The following PRG2 variants were observed in gnomAD, a reference collection of about 807,000 sequenced individuals.
PRG2 encodes bone marrow proteoglycan.
In PRG2, 23 loss-of-function variants were observed where a neutral mutation model predicts 24.7. That is an observed-to-expected ratio of 0.93 (90% CI 0.67 to 1.32). The LOEUF is 1.32. Among genes scored for constraint, PRG2 ranks in the 40% most tolerant of loss-of-function variants. The probability of loss-of-function intolerance (pLI) is 0.00; values close to 1 mark genes in which losing one functional copy is unlikely to be tolerated. For missense variants in PRG2, 271 were observed against 280.9 expected, an observed-to-expected ratio of 0.96 and a Z score of 0.25; for synonymous variants, 104 against 99.8, an observed-to-expected ratio of 1.04 and a Z score of -0.25.
chr11:57,387,384 A>G lies in PRG2; in HGVS notation c.*91T>C, dbSNP rs937237169. 2.7e-6 allele frequency: 3 copies of G among 1,127,124 alleles called. No individual in the cohort carries two copies. Among genetic ancestry groups the G allele is most frequent in the African/African-American group, 1.6e-5 (1 of 64,166 alleles). The allele number at this position is 1,127,124 out of a possible 1,614,324, so 69.8% of individuals were successfully genotyped here. On this transcript the variant is annotated 3_prime_UTR_variant, in exon 6 of 6. Transcript: ENST00000311862. ...AATCCATTTCAGTAAAACCCATTTT[A>G]TTGCAGGGAGGTGGAGGGAGGGATG...
At chr11:57,387,959 C>G (rs1446758954) in intron 4 of PRG2, 94 bp from the exon 5 acceptor site, 1 of 881,442 alleles carries the variant, frequency 1.1e-6, no homozygotes, top group Non-Finnish European at 1.7e-6. Context: ...TGCTGCCCAC[C>G]GGGCAATGGG....
In PRG2 at chr11:57,389,898, G is replaced by A. The variant is rs1357532437; in HGVS notation, c.47C>T (p.Ala16Val). 2 of 1,611,396 alleles carry A rather than the reference G, an allele frequency of 1.2e-6. No homozygotes were observed. Among genetic ancestry groups the A allele is most frequent in the Non-Finnish European group, 8.5e-7 (1 of 1,178,422 alleles). The change falls in exon 2 of 6, where the codon GCT (alanine) becomes GTT (valine). Residue 16 changes from alanine (A) to valine (V), a missense_variant. Coordinates refer to ENST00000311862, the MANE Select transcript of PRG2 (RefSeq NM_002728.6). ...CAAAAAACACTTACTTAGATGAAGA[G>A]CAGAAACTGCCCCAAATAGAAGAGC... ...LLALLFGAVS[A>V]LHLRSETSTF...
chr11:57,390,198 T>G (rs748744550), intron 1 of PRG2, among the ~76,000 whole-genome samples: 2 of 152,162 alleles, frequency 1.3e-5, no homozygotes, highest in Non-Finnish European at 2.9e-5. Context: ...TGGCTTTCCT[T>G]CAGGCCCGGA....
chr11:57,387,645 G>C, intron 5 of PRG2, 109 bp downstream of exon 5: 3 of 1,373,062 alleles, frequency 2.2e-6, no homozygotes, highest in Non-Finnish European at 3.0e-6. Context: ...GTATATAAAA[G>C]ACCCAGGAAG....
chr11:57,386,848 A>T lies in PRG2; in HGVS notation c.*627T>A, dbSNP rs1857052748. On this transcript the variant is annotated 3_prime_UTR_variant, in exon 6 of 6. Transcript: ENST00000311862. ...AGCAGAGAATGCAGTTGAGGAAGGG[A>T]AGGCAGCCCATAAAAATGCATGGAA... is the stretch of plus-strand genomic sequence containing the variant. 1 of 152,238 alleles carries T rather than the reference A, an allele frequency of 6.6e-6. No individual in the cohort carries two copies. The highest frequency in any genetic ancestry group is 6.5e-5 in the Admixed American group (1 of 15,278). 9.4% of individuals were successfully genotyped at this position (152,238 alleles called of 1,614,324 possible). A position where few individuals can be genotyped will look rare whatever the true frequency, so the allele number is the denominator to read the frequency against.
At position 57,390,635 on chromosome 11, in the gene PRG2, G is replaced by T; in HGVS notation, c.-52C>A. 1.0e-6 allele frequency: 1 copy of T among 985,482 alleles called. No homozygotes were observed. The highest frequency in any genetic ancestry group is 1.2e-6 in the Non-Finnish European group (1 of 829,962). 61.0% of individuals were successfully genotyped at this position (985,482 alleles called of 1,614,324 possible). A position where few individuals can be genotyped will look rare whatever the true frequency, so the allele number is the denominator to read the frequency against. On this transcript the variant is annotated 5_prime_UTR_variant, in exon 1 of 6. Transcript: ENST00000311862. Reference sequence around the variant, plus strand: ...TCCTGGGTCTTTAGATCTTCCCAAAGCCCAGGTCCTTCTTTGCTTCCTCTC... The same window carrying T: ...TCCTGGGTCTTTAGATCTTCCCAAATCCCAGGTCCTTCTTTGCTTCCTCTC...
chr11:57,390,637 C>T lies in PRG2; in HGVS notation c.-54G>A, dbSNP rs1436519109. Reference sequence around the variant, plus strand: ...CTGGGTCTTTAGATCTTCCCAAAGCCCAGGTCCTTCTTTGCTTCCTCTCAC... The same window carrying T: ...CTGGGTCTTTAGATCTTCCCAAAGCTCAGGTCCTTCTTTGCTTCCTCTCAC... On this transcript the variant is annotated 5_prime_UTR_variant, in exon 1 of 6. Coordinates refer to ENST00000311862, the MANE Select transcript of PRG2 (RefSeq NM_002728.6). 1.0e-6 allele frequency: 1 copy of T among 985,354 alleles called. No individual in the cohort carries two copies. The highest frequency in any genetic ancestry group is 1.2e-6 in the Non-Finnish European group (1 of 829,974). 61.0% of individuals were successfully genotyped at this position (985,354 alleles called of 1,614,324 possible). A position where few individuals can be genotyped will look rare whatever the true frequency, so the allele number is the denominator to read the frequency against.
In PRG2 at chr11:57,387,535, T is replaced by C. The variant is rs1163012262; in HGVS notation, c.611-2A>G. ...AGTGGGCTCGACGCCAGTGGCCTCC[T>C]GTGAAGGCAGAACAGAAAGGGACTT... is the stretch of plus-strand genomic sequence containing the variant. On this transcript the variant is annotated splice_acceptor_variant, in intron 5 of 5. Coordinates refer to ENST00000311862, the MANE Select transcript of PRG2 (RefSeq NM_002728.6). LOFTEE classifies it high-confidence loss of function. 1 of 1,613,094 alleles carries C rather than the reference T, an allele frequency of 6.2e-7. No individual in the cohort carries two copies. Among genetic ancestry groups the C allele is most frequent in the South Asian group, 1.1e-5 (1 of 91,050 alleles).
At position 57,386,983 on chromosome 11, in the gene PRG2, T is replaced by C. The variant is rs1857055770; in HGVS notation, c.*492A>G. On this transcript the variant is annotated 3_prime_UTR_variant, in exon 6 of 6. Transcript: ENST00000311862. The stretch of plus-strand genomic sequence containing the variant: ...GTACTTATACATTCATTCCTGAATG[T>C]TGTGGACTGTTCCCAGGGACATGTT... The C allele has an allele frequency of 6.6e-6, 1 of 152,612 alleles. No homozygotes were observed. Among genetic ancestry groups the C allele is most frequent in the Non-Finnish European group, 1.5e-5 (1 of 68,382 alleles). 9.5% of individuals were successfully genotyped at this position (152,612 alleles called of 1,614,324 possible).
intron 1 of PRG2, 61 bp from the exon 2 acceptor site, chr11:57,390,017 A>G (rs1857128127): frequency 7.2e-7 from 1 of 1,379,786 alleles, no homozygotes; most frequent in African/African-American, 1.4e-5. Context: ...ACACATCACA[A>G]TCACACCATT....
intron 1 of PRG2, 94 bp downstream of exon 1, chr11:57,390,502 G>T (rs983631162): frequency 4.8e-6 from 4 of 824,862 alleles, no homozygotes; most frequent in African/African-American, 3.7e-5. Flanking sequence ...ACAGGTAGAC[G>T]CCTGCCAGCC....
chr11:57,387,738 C>T lies in PRG2; in HGVS notation c.610+16G>A, dbSNP rs755904744. 4.5e-6 allele frequency: 7 copies of T among 1,544,748 alleles called. No individual in the cohort carries two copies. The South Asian group carries it at 8.6e-5, about 19-fold the overall frequency. On this transcript the variant is annotated intron_variant, in intron 5 of 5. Coordinates refer to ENST00000311862, the MANE Select transcript of PRG2 (RefSeq NM_002728.6). Reference sequence around the variant, plus strand: ...CTCCCAGACCTTTCCATCGTTCATCCCCAGCCCCACCTCACCTCGGGTACA... The same window carrying T: ...CTCCCAGACCTTTCCATCGTTCATCTCCAGCCCCACCTCACCTCGGGTACA...
chr11:57,389,534 G>A (rs924857372), intron 2 of PRG2, among the ~76,000 whole-genome samples: 5 of 152,178 alleles, frequency 3.3e-5, no homozygotes, highest in Non-Finnish European at 7.3e-5. Flanking sequence ...ATGGGCTTGG[G>A]TACTGGTTCC....
intron 4 of PRG2, 143 bp downstream of exon 4, chr11:57,388,434 C>T: frequency 7.8e-7 from 1 of 1,274,700 alleles, no homozygotes; most frequent in Non-Finnish European, 1.1e-6. Context: ...GCCCAGGCAG[C>T]CCCCTCAGTG....
chr11:57,387,380 T>G lies in PRG2; in HGVS notation c.*95A>C. Reference sequence around the variant, plus strand: ...AATAAATCCATTTCAGTAAAACCCATTTTATTGCAGGGAGGTGGAGGGAGG... The same window carrying G: ...AATAAATCCATTTCAGTAAAACCCAGTTTATTGCAGGGAGGTGGAGGGAGG... On this transcript the variant is annotated 3_prime_UTR_variant, in exon 6 of 6. Coordinates refer to ENST00000311862, the MANE Select transcript of PRG2 (RefSeq NM_002728.6). 2 of 1,101,694 alleles carry G rather than the reference T, an allele frequency of 1.8e-6. No individual in the cohort carries two copies. Among genetic ancestry groups the G allele is most frequent in the Non-Finnish European group, 2.7e-6 (2 of 746,762 alleles). 68.2% of individuals were successfully genotyped at this position (1,101,694 alleles called of 1,614,324 possible). A position where few individuals can be genotyped will look rare whatever the true frequency, so the allele number is the denominator to read the frequency against.
At position 57,389,104 on chromosome 11, in the gene PRG2, T is replaced by A; in HGVS notation, c.272A>T (p.Glu91Val). The A allele has an allele frequency of 6.2e-7, 1 of 1,614,172 alleles. No individual in the cohort carries two copies. The highest frequency in any genetic ancestry group is 1.1e-5 in the South Asian group (1 of 91,080). The change falls in exon 3 of 6, where the codon GAG becomes GTG. Residue 91 changes from glutamate (E) to valine (V), a missense_variant. Transcript: ENST00000311862. ...CACCACTTTTACTGTGTCCTCTTCC[T>A]CAGGACACGTAAGGTTTTTGTCCAC... is the stretch of plus-strand genomic sequence containing the variant. ...DMVDKNLTCP[E>V]EEDTVKVVGI...
In PRG2 at chr11:57,387,725, T is replaced by TC. The variant is rs761497064; in HGVS notation, c.610+28dup. 35 of 1,517,358 alleles carry TC rather than the reference T, an allele frequency of 2.3e-5. No homozygotes were observed. The African/African-American group carries it at 3.6e-4, about 15-fold the overall frequency. The allele number at this position is 1,517,358 out of a possible 1,614,324, so 94.0% of individuals were successfully genotyped here. A position where few individuals can be genotyped will look rare whatever the true frequency, so the allele number is the denominator to read the frequency against. Reference sequence around the variant, plus strand: ...GGGCACTTCCCATCTCCCAGACCTTTCCATCGTTCATCCCCAGCCCCACCT... The same window carrying TC: ...GGGCACTTCCCATCTCCCAGACCTTTCCCATCGTTCATCCCCAGCCCCACCT... On this transcript the variant is annotated intron_variant, in intron 5 of 5. Transcript: ENST00000311862.
rs767429367 is a variant in PRG2, at chr11:57,387,510, A to G, written c.634T>C (p.Cys212Arg). The G allele has an allele frequency of 6.2e-7, 1 of 1,613,998 alleles. No individual in the cohort carries two copies. The highest frequency in any genetic ancestry group is 8.5e-7 in the Non-Finnish European group (1 of 1,179,954). ...CAGATGAAAGGAAGTCTTCTGAGGC[A>G]GTGGGCTCGACGCCAGTGGCCTCCT... is the stretch of plus-strand genomic sequence containing the variant. Reference protein sequence around the residue: ...TRGGHWRRAHCLRRLPFICSY With the variant: ...TRGGHWRRAHRLRRLPFICSY Residue 212 changes from cysteine (C) to arginine (R), a missense_variant, in exon 6 of 6, where the codon TGC becomes CGC. Cys to Arg is a radical substitution (Grantham distance 180). Coordinates refer to ENST00000311862, the MANE Select transcript of PRG2 (RefSeq NM_002728.6).
Position 57,389,804 on chromosome 11 carries a change from G to C in PRG2, c.58+83C>G, listed in dbSNP as rs573764346. 6 of 1,216,510 alleles carry C rather than the reference G, an allele frequency of 4.9e-6. No homozygotes were observed. In the East Asian group the frequency reaches 1.4e-4, roughly 29 times the overall value. 75.4% of individuals were successfully genotyped at this position (1,216,510 alleles called of 1,614,324 possible). A position where few individuals can be genotyped will look rare whatever the true frequency, so the allele number is the denominator to read the frequency against. On this transcript the variant is annotated intron_variant, in intron 2 of 5. Coordinates refer to ENST00000311862, the MANE Select transcript of PRG2 (RefSeq NM_002728.6). ...CAGAAATAGAAGACGATCAAAGAAG[G>C]GGGTGGGTGTGTAACTCTGACCCCA... is the stretch of plus-strand genomic sequence containing the variant.
Sources: allele counts gnomAD v4.1 joint callset (sites outside exome capture counted in the v4.1 genomes callset), GRCh38; gene constraint gnomAD v4.1.1; transcripts MANE v1.5; gene names NCBI Gene and HGNC (gene_info 2026-07-23, HGNC 2026-07-21).